The following RNLS variants were observed in gnomAD, a reference collection of about 807,000 sequenced individuals.
The protein encoded by RNLS is renalase, FAD dependent amine oxidase, also known as renalase.
Under a neutral mutation model 39.8 loss-of-function variants are expected in RNLS, and 39 were observed. The ratio of observed to expected loss-of-function variants is 0.98; its 90% CI spans 0.76 to 1.28. RNLS has a LOEUF of 1.28. Ranked by LOEUF, RNLS falls within the 50% of genes most tolerant of loss-of-function variation. The probability of loss-of-function intolerance (pLI) is 0.00; values close to 1 mark genes in which losing one functional copy is unlikely to be tolerated. For missense variants in RNLS, 410 were observed against 413.3 expected (o/e 0.99, Z 0.07); for synonymous variants, 147 against 150.7 (o/e 0.98, Z 0.18).
At chr10:88,411,323 T>C (rs1294650725) in intron 4 of RNLS, among the ~76,000 whole-genome samples, 5 of 152,096 alleles carry the variant, frequency 3.3e-5, no homozygotes, top group Non-Finnish European at 5.9e-5. Context: ...TATGCCCCTA[T>C]ATATTTATTT....
intron 2 of RNLS, among the ~76,000 whole-genome samples, chr10:88,581,924 C>T (rs938905187): frequency 2.6e-5 from 4 of 152,106 alleles, no homozygotes; most frequent in South Asian, 2.1e-4. Context: ...ATCCATAGGT[C>T]GTTTGCTGAC....
At chr10:88,248,908 T>C in the RNLS span, among the ~76,000 whole-genome samples, 7 of 152,232 alleles carry the variant, frequency 4.6e-5, no homozygotes, top group African/African-American at 1.7e-4. Flanking sequence ...ATGCTGTCCA[T>C]GTGCCTTCTG....
intron 4 of RNLS, among the ~76,000 whole-genome samples, chr10:88,366,401 A>T (rs1325206058): frequency 6.6e-6 from 1 of 151,922 alleles, no homozygotes; most frequent in Non-Finnish European, 1.5e-5. Context: ...TAGAGAGAAC[A>T]GTAGAGGAAG....
chr10:88,285,550 A>G (rs370303177), intron 6 of RNLS, 44 bp from the exon 7 acceptor site: 13 of 1,567,362 alleles, frequency 8.3e-6, no homozygotes, highest in South Asian at 6.7e-5. Flanking sequence ...TCTGTGCTCT[A>G]TTGTGCTGTC....
At chr10:88,182,677 G>T in the RNLS span, among the ~76,000 whole-genome samples, 1 of 151,916 alleles carries the variant, frequency 6.6e-6, no homozygotes. Flanking sequence ...CCATGTATTT[G>T]TGTATGTGTG....
chr10:88,526,599 C>A (rs546779493), intron 4 of RNLS, among the ~76,000 whole-genome samples: 28 of 151,614 alleles, frequency 1.8e-4, no homozygotes, highest in Non-Finnish European at 3.5e-4. Context: ...CCTACCTCTA[C>A]AAAAAAATTT....
At chr10:88,365,665 C>A (rs1223581619) in intron 4 of RNLS, among the ~76,000 whole-genome samples, 1 of 151,504 alleles carries the variant, frequency 6.6e-6, no homozygotes, top group African/African-American at 2.4e-5. Context: ...TTGTAGTGAA[C>A]AGAGTAGTTC....
At chr10:88,296,985 C>T (rs950794769) in intron 6 of RNLS, among the ~76,000 whole-genome samples, 1 of 152,050 alleles carries the variant, frequency 6.6e-6, no homozygotes, top group African/African-American at 2.4e-5. Flanking sequence ...TAGTTTGTTC[C>T]TTTTTATTAC....
chr10:88,574,934 C>G (rs1321235287), intron 3 of RNLS, among the ~76,000 whole-genome samples: 3 of 151,644 alleles, frequency 2.0e-5, no homozygotes, highest in Non-Finnish European at 2.9e-5. Flanking sequence ...TGGCCCTGTC[C>G]CAGACCTCAG....
chr10:88,266,036 G>C, the RNLS span, among the ~76,000 whole-genome samples: 1 of 152,200 alleles, frequency 6.6e-6, no homozygotes, highest in Admixed American at 6.5e-5. Context: ...TTGTAGAAGT[G>C]ACTGTAATTT....
At chr10:88,334,454 T>A (rs1847340248) in intron 5 of RNLS, among the ~76,000 whole-genome samples, 1 of 152,142 alleles carries the variant, frequency 6.6e-6, no homozygotes, top group Admixed American at 6.5e-5. Flanking sequence ...TGGCACACAA[T>A]AAGTGCTCAT....
intron 4 of RNLS, among the ~76,000 whole-genome samples, chr10:88,462,748 T>C (rs1842994813): frequency 6.6e-6 from 1 of 151,742 alleles, no homozygotes; most frequent in Non-Finnish European, 1.5e-5. Context: ...ACCTTTTAAA[T>C]AAAGTGGAGA....
In RNLS at chr10:88,582,289, G is replaced by GCTA. The variant is rs1263655408; in HGVS notation, c.136_137insTAG (p.Thr45_Ala46insVal). On this transcript the variant is annotated inframe_insertion, in exon 2 of 7. Transcript: ENST00000331772. The stretch of plus-strand genomic sequence containing the variant: ...GCACTGAGGATTATGAGGACTGCAG[G>GCTA]CTGTAGTCATTCTTCCCCCTTGAAT... 1 of 1,613,492 alleles carries GCTA rather than the reference G, an allele frequency of 6.2e-7. No individual in the cohort carries two copies. Among genetic ancestry groups the GCTA allele is most frequent in the East Asian group, 2.2e-5 (1 of 44,846 alleles).
intron 4 of RNLS, among the ~76,000 whole-genome samples, chr10:88,564,128 T>C (rs1313652467): frequency 6.6e-6 from 1 of 152,198 alleles, no homozygotes; most frequent in Non-Finnish European, 1.5e-5. Context: ...ATGTGATCCT[T>C]TGGTTATTAG....
chr10:88,402,154 A>T (rs1282514516), intron 4 of RNLS, among the ~76,000 whole-genome samples: 1 of 152,016 alleles, frequency 6.6e-6, no homozygotes, highest in Non-Finnish European at 1.5e-5. Flanking sequence ...AATCAAAAAA[A>T]TTTATTCTTG....
chr10:88,402,363 A>G (rs1022292611), intron 4 of RNLS, among the ~76,000 whole-genome samples: 6 of 151,978 alleles, frequency 3.9e-5, no homozygotes, highest in South Asian at 2.1e-4. Context: ...AACAGAACAA[A>G]TACTAAACTT....
intron 4 of RNLS, among the ~76,000 whole-genome samples, chr10:88,447,368 A>AACAC (rs1291545906): frequency 1.5e-5 from 1 of 68,446 alleles, no homozygotes; most frequent in African/African-American, 1.6e-4. Flanking sequence ...ATACACCAAT[A>AACAC]ACAGACAGAG....
the RNLS span, among the ~76,000 whole-genome samples, chr10:88,258,941 C>G: frequency 1.3e-5 from 2 of 152,172 alleles, no homozygotes; most frequent in Non-Finnish European, 2.9e-5. Context: ...CTGTTACTGG[C>G]GAGCTCAAAT....
At chr10:88,242,033 T>A in the RNLS span, among the ~76,000 whole-genome samples, 1 of 152,214 alleles carries the variant, frequency 6.6e-6, no homozygotes, top group Admixed American at 6.5e-5. Flanking sequence ...CAGGAGACCC[T>A]TGATGGAAGG....
Sources: allele counts gnomAD v4.1 joint callset (sites outside exome capture counted in the v4.1 genomes callset), GRCh38; gene constraint gnomAD v4.1.1; transcripts MANE v1.5; gene names NCBI Gene and HGNC (gene_info 2026-07-23, HGNC 2026-07-21).